The following PHLDB2 variants were observed in gnomAD, a reference collection of about 807,000 sequenced individuals.
The protein encoded by PHLDB2 is pleckstrin homology-like domain family B member 2.
A neutral mutation model predicts 123.6 loss-of-function variants in PHLDB2; 71 were observed. The observed-to-expected ratio is 0.57, with a 90% CI of 0.47 to 0.70. The LOEUF is 0.70. Among genes scored for constraint, PHLDB2 ranks in the 30% least tolerant of loss-of-function variants. The pLI is 0.00. For synonymous variants in PHLDB2, 547 were observed against 541.6 expected (o/e 1.01, Z -0.14); for missense variants, 1,446 against 1,519.5 (o/e 0.95, Z 0.80).
intron 7 of PHLDB2, among the ~76,000 whole-genome samples, chr3:111,940,031 G>A (rs1207030037): frequency 6.6e-6 from 1 of 152,120 alleles, no homozygotes; most frequent in Non-Finnish European, 1.5e-5. Flanking sequence ...GAAGTAGAAT[G>A]CCATGTGGAT....
intron 1 of PHLDB2, among the ~76,000 whole-genome samples, chr3:111,815,163 A>T (rs879742164): frequency 6.6e-6 from 1 of 152,282 alleles, no homozygotes; most frequent in South Asian, 2.1e-4. Flanking sequence ...TGGAACTGTA[A>T]GTCCAATAAA....
At position 111,884,749 on chromosome 3, in the gene PHLDB2, T is replaced by G. The variant is rs746222517; in HGVS notation, c.672T>G (p.Thr224=). ...GCCTGGCGCTTCAACCCAAGTTAAC[T>G]AGACACAAGGAGCTTGCATCTGAAA... ...QDSLALQPKL[T]RHKELASENI... Residue 224 remains threonine (T), a synonymous_variant, in exon 2 of 18, where the codon ACT becomes ACG. Transcript: ENST00000431670. 1.1e-5 allele frequency: 17 copies of G among 1,614,042 alleles called. No homozygotes were observed. In the East Asian group the frequency reaches 3.6e-4, roughly 34 times the overall value.
intron 2 of PHLDB2, among the ~76,000 whole-genome samples, chr3:111,847,390 A>AG (rs1231459919): frequency 6.6e-6 from 1 of 152,212 alleles, no homozygotes; most frequent in African/African-American, 2.4e-5. Flanking sequence ...GCAGGAGATT[A>AG]GGGGAAAAAA....
chr3:111,939,472 A>C lies in PHLDB2; in HGVS notation c.2131-3A>C, dbSNP rs374719988. 8.8e-6 allele frequency: 14 copies of C among 1,599,380 alleles called. No homozygotes were observed. In the African/African-American group the frequency reaches 1.8e-4, roughly 20 times the overall value. On this transcript the variant is annotated splice_region_variant and splice_polypyrimidine_tract_variant and intron_variant, in intron 6 of 17. Transcript: ENST00000431670. Reference sequence around the variant, plus strand: ...TCTTGTTTTCATTCACTTTTCTCCAAAGGATGCTGACCTGTTGGATGTTGA... The same window carrying C: ...TCTTGTTTTCATTCACTTTTCTCCACAGGATGCTGACCTGTTGGATGTTGA...
intron 1 of PHLDB2, among the ~76,000 whole-genome samples, chr3:111,800,267 A>G (rs976891333): frequency 6.6e-6 from 1 of 152,182 alleles, no homozygotes; most frequent in Non-Finnish European, 1.5e-5. Context: ...CGGCTTCCCA[A>G]AGTGCTGGGA....
intron 2 of PHLDB2, among the ~76,000 whole-genome samples, chr3:111,901,001 C>T (rs1026368821): frequency 2.0e-5 from 3 of 151,958 alleles, no homozygotes; most frequent in South Asian, 2.1e-4. Flanking sequence ...GGATCACAGG[C>T]GTGAGCCACT....
At position 111,824,822 on chromosome 3, in the gene PHLDB2, T is replaced by C. The variant is rs138845102; in HGVS notation, c.-48-20999T>C. Among the ~76,000 whole-genome samples the C allele has an allele frequency of 1.8e-3, 277 of 152,346 alleles. 2 individuals carry two copies. The highest frequency in any genetic ancestry group is 6.4e-3 in the African/African-American group (267 of 41,590). On this transcript the variant is annotated intron_variant, in intron 1 of 17. Transcript: ENST00000393923. ...TAACAGACGCAAACTTCGTTGGACA[T>C]TTTAAAGTATGTACTCTGTGGAAAA...
At chr3:111,915,755 C>G (rs2107513750) in intron 3 of PHLDB2, 1 of 152,260 alleles carries the variant, frequency 6.6e-6, no homozygotes, top group South Asian at 2.1e-4. Context: ...CTATAGTGAC[C>G]ATGTTTACCT....
chr3:111,881,808 G>A (rs1576986797), intron 1 of PHLDB2, among the ~76,000 whole-genome samples: 1 of 147,556 alleles, frequency 6.8e-6, no homozygotes, highest in East Asian at 2.0e-4. Flanking sequence ...AGGCTACACA[G>A]TTAGTGTTTT....
chr3:111,946,682 G>A (rs1020425294), intron 9 of PHLDB2, among the ~76,000 whole-genome samples: 2 of 152,224 alleles, frequency 1.3e-5, no homozygotes, highest in Non-Finnish European at 2.9e-5. Flanking sequence ...GGGTAAGGGT[G>A]CAGGTCTTGT....
intron 16 of PHLDB2, among the ~76,000 whole-genome samples, chr3:111,972,308 A>G (rs2107695791): frequency 6.6e-6 from 1 of 152,316 alleles, no homozygotes; most frequent in African/African-American, 2.4e-5. Flanking sequence ...AGGAAGAGGA[A>G]AAACAAAGAA....
chr3:111,968,837 G>A (rs2071981311), intron 15 of PHLDB2, among the ~76,000 whole-genome samples: 1 of 152,164 alleles, frequency 6.6e-6, no homozygotes, highest in Non-Finnish European at 1.5e-5. Flanking sequence ...ATCCATGCGT[G>A]TTTACTATCT....
chr3:111,755,556 G>T (rs1343297389), intron 1 of PHLDB2, among the ~76,000 whole-genome samples: 1 of 145,172 alleles, frequency 6.9e-6, no homozygotes, highest in Non-Finnish European at 1.5e-5. Context: ...TTCTTTATTA[G>T]TCTTGCTAGT....
chr3:111,969,767 C>T lies in PHLDB2; in HGVS notation c.3393C>T (p.His1131=). The change falls in exon 16 of 18, where the codon CAC becomes CAT. Residue 1131 remains histidine, a synonymous_variant. Transcript: ENST00000431670. ...GGAGCCATGTAGAGACTGCTGGCCA[C>T]AATATTGACACCTGTTACCATGTAT... ...DLRSHVETAG[H]NIDTCYHVSI... 3 of 1,614,016 alleles carry T rather than the reference C, an allele frequency of 1.9e-6. No individual in the cohort carries two copies. The highest frequency in any genetic ancestry group is 1.7e-6 in the Non-Finnish European group (2 of 1,179,910).
intron 1 of PHLDB2, among the ~76,000 whole-genome samples, chr3:111,737,465 C>G (rs2059529776): frequency 6.6e-6 from 1 of 152,200 alleles, no homozygotes; most frequent in South Asian, 2.1e-4. Context: ...CCACCCAAAA[C>G]TTGTTCCCCT....
chr3:111,871,413 C>T (rs1235573565), intron 1 of PHLDB2, among the ~76,000 whole-genome samples: 1 of 151,842 alleles, frequency 6.6e-6, no homozygotes, highest in Non-Finnish European at 1.5e-5. Context: ...TTTGGGAGGC[C>T]AAGGCAGGTG....
chr3:111,946,521 A>T, intron 9 of PHLDB2, among the ~76,000 whole-genome samples: 1 of 152,198 alleles, frequency 6.6e-6, no homozygotes, highest in East Asian at 1.9e-4. Flanking sequence ...TGTACCTCAG[A>T]AGCATTTTGT....
At chr3:111,936,671 TTAAAA>T (rs2107587665) in intron 6 of PHLDB2, among the ~76,000 whole-genome samples, 1 of 152,310 alleles carries the variant, frequency 6.6e-6, no homozygotes, top group Non-Finnish European at 1.5e-5. Flanking sequence ...TCATGCAGGG[TTAAAA>T]TAACACATAT....
At chr3:111,903,508 A>C (rs911528789) in intron 2 of PHLDB2, among the ~76,000 whole-genome samples, 1 of 152,214 alleles carries the variant, frequency 6.6e-6, no homozygotes, top group African/African-American at 2.4e-5. Context: ...TAGATAGCCA[A>C]AGAAACCCCA....
Sources: gnomAD v4.1 joint callset for allele counts (sites outside exome capture counted in the v4.1 genomes callset) on GRCh38, gnomAD v4.1.1 for gene constraint, MANE v1.5 for transcripts, NCBI Gene and HGNC (gene_info 2026-07-23, HGNC 2026-07-21) for gene names.